Variants in PARP2 observed in about 807,000 individuals in gnomAD.
The protein encoded by PARP2 is poly [ADP-ribose] polymerase 2.
PARP2 carries 57 observed loss-of-function variants against 77.8 expected under a neutral mutation model. That is an observed-to-expected ratio of 0.73 (90% CI 0.59 to 0.91). The LOEUF (loss-of-function observed/expected upper bound fraction) is 0.91. Among genes scored for constraint, PARP2 ranks in the 40% least tolerant of loss-of-function variants. PARP2 has a pLI of 0.00. For synonymous variants in PARP2, 226 were observed against 242.6 expected, an observed-to-expected ratio of 0.93 and a Z score of 0.64; for missense variants, 651 against 689.0, an observed-to-expected ratio of 0.94 and a Z score of 0.62.
chr14:20,345,215 G>T (rs1883669563), intron 2 of PARP2, 128 bp downstream of exon 2: 1 of 1,097,414 alleles, frequency 9.1e-7, no homozygotes, highest in African/African-American at 1.5e-5. Flanking sequence ...TATCCTTTGG[G>T]CATACCACAG....
rs748292640 is a variant in PARP2 at position 20,354,256 on chromosome 14, T to TCACATTTTCTTCTG, written c.763+12_763+25dup. Reference sequence around the variant, plus strand: ...CAAGAAAGCCCCACTTGGTAGGACTTCACATTTTCTTCTGCATTCTCTCCT... The same window carrying TCACATTTTCTTCTG: ...CAAGAAAGCCCCACTTGGTAGGACTTCACATTTTCTTCTGCACATTTTCTTCTGCATTCTCTCCT... On this transcript the variant is annotated intron_variant, in intron 8 of 15. Transcript: ENST00000429687. The TCACATTTTCTTCTG allele has an allele frequency of 4.4e-6, 7 of 1,602,678 alleles. No individual in the cohort carries two copies. In the Admixed American group the frequency reaches 1.2e-4, roughly 27 times the overall value.
At chr14:20,350,080 T>C (rs1883903166) in intron 4 of PARP2, among the ~76,000 whole-genome samples, 2 of 152,206 alleles carry the variant, frequency 1.3e-5, no homozygotes, top group South Asian at 4.1e-4. Context: ...ACAAAAGCTG[T>C]GAGTAGAACT....
intron 4 of PARP2, among the ~76,000 whole-genome samples, chr14:20,347,356 G>GTGTGTGTGTATGTATATATA (rs1168423656): frequency 3.4e-5 from 1 of 29,562 alleles, no homozygotes; most frequent in Non-Finnish European, 5.4e-5. Context: ...ATGTGTGTGT[G>GTGTGTGTGTATGTATATATA]TATATATATA....
intron 14 of PARP2, 57 bp from the exon 15 acceptor site, chr14:20,357,339 T>C (rs1206264182): frequency 6.4e-7 from 1 of 1,562,688 alleles, no homozygotes; most frequent in Non-Finnish European, 8.7e-7. Context: ...CTGTTTGGCT[T>C]TGGAGCCATC....
chr14:20,350,933 T>C lies in PARP2; in HGVS notation c.422-114T>C. The C allele has an allele frequency of 3.8e-6, 3 of 784,436 alleles. No individual in the cohort carries two copies. In the South Asian group the frequency reaches 5.1e-5, roughly 13 times the overall value. The allele number at this position is 784,436 out of a possible 1,614,324, so 48.6% of individuals were successfully genotyped here. ...AACATGATTAGTTCCCTAAATCCTTTCACCTTTCCCTTCTCCCTTTCCTGC... is the reference window on the plus strand; with the variant it reads ...AACATGATTAGTTCCCTAAATCCTTCCACCTTTCCCTTCTCCCTTTCCTGC... On this transcript the variant is annotated intron_variant, in intron 5 of 15. Coordinates refer to ENST00000429687, the MANE Select transcript of PARP2 (RefSeq NM_001042618.2).
rs1299729285 is a variant in PARP2, at chr14:20,352,305, A to G, written c.558A>G (p.Gly186=). 6 of 1,612,440 alleles carry G rather than the reference A, an allele frequency of 3.7e-6. No individual in the cohort carries two copies. Among genetic ancestry groups the G allele is most frequent in the South Asian group, 3.3e-5 (3 of 91,054 alleles). Reference sequence around the variant, plus strand: ...GAGAAAAGTTTGAGAAGGTGCCTGGAAAATATGATATGCTACAGATGGACT... The same window carrying G: ...GAGAAAAGTTTGAGAAGGTGCCTGGGAAATATGATATGCTACAGATGGACT... ...EDREKFEKVP[G]KYDMLQMDYA... The change falls in exon 7 of 16, where the codon GGA becomes GGG. Residue 186 remains glycine, a synonymous_variant. Coordinates refer to ENST00000429687, the MANE Select transcript of PARP2 (RefSeq NM_001042618.2).
chr14:20,354,385 G>A (rs1884067690), intron 8 of PARP2, 138 bp downstream of exon 8: 3 of 710,428 alleles, frequency 4.2e-6, no homozygotes, highest in African/African-American at 1.8e-5. Context: ...CAGGTTGTAT[G>A]GAGGGAAGAG....
At chr14:20,351,629 A>T (rs559882978) in intron 6 of PARP2, among the ~76,000 whole-genome samples, 1 of 152,374 alleles carries the variant, frequency 6.6e-6, no homozygotes, top group Non-Finnish European at 1.5e-5. Flanking sequence ...TAATACCTTG[A>T]AAGTCACTAA....
intron 4 of PARP2, among the ~76,000 whole-genome samples, chr14:20,349,398 G>C (rs539066123): frequency 1.3e-5 from 2 of 152,070 alleles, no homozygotes; most frequent in Non-Finnish European, 2.9e-5. Context: ...AGCTGGGCAT[G>C]GTGGCTTATG....
chr14:20,343,650 G>C lies in PARP2; in HGVS notation c.9G>C (p.Ala3=). The change falls in exon 1 of 16, where the codon GCG becomes GCC. Residue 3 remains alanine, a synonymous_variant. Coordinates refer to ENST00000429687, the MANE Select transcript of PARP2 (RefSeq NM_001042618.2). The part of the protein sequence containing the change: MA[A]RRRRSTGGGR... ...GTCAGCGTTCGAATTCCATGGCGGCGCGGCGGCGACGGAGCACCGGCGGCG... is the reference window on the plus strand; with the variant it reads ...GTCAGCGTTCGAATTCCATGGCGGCCCGGCGGCGACGGAGCACCGGCGGCG... 1 of 1,610,228 alleles carries C rather than the reference G, an allele frequency of 6.2e-7. No individual in the cohort carries two copies.
At chr14:20,357,233 G>A in intron 14 of PARP2, 84 bp downstream of exon 14, 3 of 1,321,164 alleles carry the variant, frequency 2.3e-6, no homozygotes, top group Non-Finnish European at 3.3e-6. Context: ...AGAACCAAGA[G>A]GTTTACCTGG....
chr14:20,347,274 C>T (rs1883761194), intron 4 of PARP2, among the ~76,000 whole-genome samples: 1 of 143,926 alleles, frequency 6.9e-6, no homozygotes, highest in Admixed American at 7.1e-5. Context: ...TCAAGTGATC[C>T]ACCCACCTCA....
Position 20,356,641 on chromosome 14 carries a change from C to G in PARP2, c.1281C>G (p.Ser427Arg), listed in dbSNP as rs2138951052. 5.0e-6 allele frequency: 8 copies of G among 1,614,036 alleles called. No individual in the cohort carries two copies. Among genetic ancestry groups the G allele is most frequent in the Non-Finnish European group, 5.9e-6 (7 of 1,179,954 alleles). Residue 427 changes from serine (S) to arginine (R), a missense_variant, in exon 13 of 16, where the codon AGC (serine) becomes AGG (arginine). Ser to Arg is a moderately radical substitution (Grantham distance 110). Coordinates refer to ENST00000429687, the MANE Select transcript of PARP2 (RefSeq NM_001042618.2). ...SRMSNWVGIL[S>R]HGLRIAPPEA... ...TGAGTAACTGGGTGGGAATCTTGAGCCATGGGCTTCGAATTGCCCCACCTG... is the reference window on the plus strand; with the variant it reads ...TGAGTAACTGGGTGGGAATCTTGAGGCATGGGCTTCGAATTGCCCCACCTG...
chr14:20,356,273 G>A (rs1440863330), intron 11 of PARP2, 34 bp from the exon 12 acceptor site: 4 of 1,610,714 alleles, frequency 2.5e-6, no homozygotes, highest in East Asian at 2.2e-5. Flanking sequence ...CTCTTGTAGA[G>A]TCTACATCAG....
chr14:20,345,007 G>C lies in PARP2; in HGVS notation c.122G>C (p.Arg41Thr). ...TCTTCCCCTGCCAAGAAAACTCGTAGATGCCAGAGACAGGAGTCGAAAAAG... is the reference window on the plus strand; with the variant it reads ...TCTTCCCCTGCCAAGAAAACTCGTACATGCCAGAGACAGGAGTCGAAAAAG... ...EDSSPAKKTRRCQRQESKKMP... is the reference protein window; with the variant it reads ...EDSSPAKKTRTCQRQESKKMP... The change falls in exon 2 of 16, where the codon AGA (arginine) becomes ACA (threonine). Residue 41 changes from arginine to threonine, a missense_variant. Transcript: ENST00000429687. The C allele has an allele frequency of 1.2e-6, 2 of 1,614,000 alleles. No homozygotes were observed. The highest frequency in any genetic ancestry group is 1.7e-6 in the Non-Finnish European group (2 of 1,179,912).
At chr14:20,347,466 A>G (rs1566418505) in intron 4 of PARP2, among the ~76,000 whole-genome samples, 2 of 110,216 alleles carry the variant, frequency 1.8e-5, no homozygotes, top group South Asian at 3.4e-4. Context: ...CCCAGGCTGG[A>G]ATGCAGTGGT....
In PARP2 at chr14:20,350,360, A is replaced by G. The variant is rs562126833; in HGVS notation, c.325-166A>G. 3.3e-5 allele frequency among the ~76,000 whole-genome samples: 5 copies of G among 152,174 alleles called. 1 individual carries two copies. In the East Asian group the frequency reaches 9.6e-4, roughly 29 times the overall value. ...ATCCAAAGTTTAATGTATAAGCCCT[A>G]TTTCTTCTTTATATCTTTAATCTTA... On this transcript the variant is annotated intron_variant, in intron 4 of 15. Coordinates refer to ENST00000429687, the MANE Select transcript of PARP2 (RefSeq NM_001042618.2).
chr14:20,357,898 A>G lies in PARP2; in HGVS notation c.*101A>G, dbSNP rs1052798099. 2 of 1,055,870 alleles carry G rather than the reference A, an allele frequency of 1.9e-6. No homozygotes were observed. Among genetic ancestry groups the G allele is most frequent in the South Asian group, 1.4e-5 (1 of 70,380 alleles). 65.4% of individuals were successfully genotyped at this position (1,055,870 alleles called of 1,614,324 possible). On this transcript the variant is annotated 3_prime_UTR_variant, in exon 16 of 16. Transcript: ENST00000429687. Reference sequence around the variant, plus strand: ...ATATTTTATGTAATAAAAACTGTACAGGTCTACCACTGGCTTCTTCGGGCT... The same window carrying G: ...ATATTTTATGTAATAAAAACTGTACGGGTCTACCACTGGCTTCTTCGGGCT...
At chr14:20,357,255 A>G in intron 14 of PARP2, 106 bp downstream of exon 14, 1 of 1,318,692 alleles carries the variant, frequency 7.6e-7, no homozygotes, top group Non-Finnish European at 1.1e-6. Flanking sequence ...ATAGCTTGAG[A>G]GAGGACCAAG....
Sources: gnomAD v4.1 joint callset for allele counts (sites outside exome capture counted in the v4.1 genomes callset) on GRCh38, gnomAD v4.1.1 for gene constraint, MANE v1.5 for transcripts, NCBI Gene and HGNC (gene_info 2026-07-23, HGNC 2026-07-21) for gene names.